NTRK3: variants seen among roughly 807,000 people sequenced by gnomAD.
NTRK3 encodes the protein NT-3 growth factor receptor.
Under a neutral mutation model 91.7 loss-of-function variants are expected in NTRK3, and 24 were observed. The observed-to-expected ratio is 0.26, with a 90% CI of 0.19 to 0.37. The LOEUF (loss-of-function observed/expected upper bound fraction) is 0.37, where lower values mean the gene tolerates loss of function less well. Ranked by LOEUF, NTRK3 falls within the 10% of genes least tolerant of loss-of-function variation. The pLI, the probability that NTRK3 is intolerant of heterozygous loss-of-function variation, is 1.00. For synonymous variants in NTRK3, 483 were observed against 404.0 expected (o/e 1.20, Z -2.34); for missense variants, 880 against 1,068.9 (o/e 0.82, Z 2.46).
chr15:88,075,618 G>T (rs2047474767), intron 13 of NTRK3, among the ~76,000 whole-genome samples: 1 of 152,090 alleles, frequency 6.6e-6, no homozygotes, highest in Non-Finnish European at 1.5e-5. Flanking sequence ...TGTTGTTGTT[G>T]TTGTTGCTGT....
Position 88,250,963 on chromosome 15 carries a change from T to C in NTRK3, c.248+4943A>G, listed in dbSNP as rs535384106. Among the ~76,000 whole-genome samples, 145 of 152,376 alleles carry C rather than the reference T, an allele frequency of 9.5e-4. 1 individual carries two copies. The highest frequency in any genetic ancestry group is 3.3e-3 in the African/African-American group (137 of 41,596). ...CCAGTGGAGAGCTGTGCTCCAGCAA[T>C]GGGCTGAAAGCTTTGCAAAAGAACA... On this transcript the variant is annotated intron_variant, in intron 3 of 18. Coordinates refer to ENST00000394480, the Ensembl canonical transcript of NTRK3.
intron 14 of NTRK3, among the ~76,000 whole-genome samples, chr15:88,016,686 G>T (rs1036198985): frequency 7.9e-5 from 12 of 152,108 alleles, no homozygotes; most frequent in African/African-American, 2.4e-4. Context: ...TATTAGCTGG[G>T]GACAGGCTTT....
chr15:88,099,866 A>ACACACATC (rs2049995992), intron 13 of NTRK3, among the ~76,000 whole-genome samples: 1 of 152,178 alleles, frequency 6.6e-6, no homozygotes, highest in African/African-American at 2.4e-5. Flanking sequence ...AACCGACAGC[A>ACACACATC]TGGACTAGCC....
chr15:88,003,829 T>TTC (rs558582271), intron 14 of NTRK3, among the ~76,000 whole-genome samples: 2 of 148,664 alleles, frequency 1.3e-5, no homozygotes, highest in South Asian at 4.5e-4. Context: ...TATTTGGATT[T>TTC]TTTTTTTTTT....
At chr15:88,021,363 C>T (rs911459810) in intron 14 of NTRK3, among the ~76,000 whole-genome samples, 1 of 152,188 alleles carries the variant, frequency 6.6e-6, no homozygotes, top group Non-Finnish European at 1.5e-5. Flanking sequence ...GCCCCCAAAC[C>T]CCAGAACAGC....
intron 17 of NTRK3, among the ~76,000 whole-genome samples, chr15:87,891,629 T>C (rs1384039835): frequency 6.6e-6 from 1 of 152,186 alleles, no homozygotes; most frequent in South Asian, 2.1e-4. Context: ...ACATACCATA[T>C]CTGTTCTGTT....
At chr15:88,249,871 C>T (rs1399945939) in intron 3 of NTRK3, among the ~76,000 whole-genome samples, 3 of 152,154 alleles carry the variant, frequency 2.0e-5, no homozygotes, top group Non-Finnish European at 2.9e-5. Context: ...GTGACTGAGT[C>T]CAGCCTCTAT....
intron 13 of NTRK3, among the ~76,000 whole-genome samples, chr15:88,099,568 T>G (rs2049967373): frequency 6.6e-6 from 1 of 152,036 alleles, no homozygotes; most frequent in African/African-American, 2.4e-5. Context: ...AGAACTTAAG[T>G]CCATAAAAGT....
At chr15:88,119,617 G>A (rs191101481) in intron 13 of NTRK3, among the ~76,000 whole-genome samples, 5 of 152,282 alleles carry the variant, frequency 3.3e-5, no homozygotes, top group Non-Finnish European at 7.3e-5. Flanking sequence ...CCAAGTACAG[G>A]ATCATGGCAA....
At chr15:88,205,169 T>C (rs1291402438) in intron 3 of NTRK3, among the ~76,000 whole-genome samples, 2 of 152,178 alleles carry the variant, frequency 1.3e-5, no homozygotes, top group Non-Finnish European at 2.9e-5. Context: ...GTTCTGTATA[T>C]GGTGGGAAGA....
At chr15:87,969,590 C>T (rs2073094185) in intron 14 of NTRK3, among the ~76,000 whole-genome samples, 1 of 152,144 alleles carries the variant, frequency 6.6e-6, no homozygotes, top group South Asian at 2.1e-4. Flanking sequence ...ATCTTCTGTG[C>T]TATAAATAAT....
intron 13 of NTRK3, among the ~76,000 whole-genome samples, chr15:88,106,541 C>T (rs1024020445): frequency 4.6e-5 from 7 of 152,156 alleles, no homozygotes; most frequent in Admixed American, 2.6e-4. Context: ...CTGAATGACA[C>T]GGAAGGATGC....
chr15:87,941,985 A>C (rs938348517), intron 14 of NTRK3, among the ~76,000 whole-genome samples: 1 of 152,246 alleles, frequency 6.6e-6, no homozygotes, highest in Non-Finnish European at 1.5e-5. Flanking sequence ...TCGAGAAATG[A>C]AAGCTGCAGA....
chr15:88,127,203 G>T (rs970508396), exon 12 of NTRK3: 2 of 1,613,952 alleles, frequency 1.2e-6, no homozygotes, highest in African/African-American at 2.7e-5. Context: ...ACAGTGATAG[G>T]AGGTGTGGGA....
intron 3 of NTRK3, among the ~76,000 whole-genome samples, chr15:88,213,878 G>C (rs1486066175): frequency 6.6e-6 from 1 of 151,900 alleles, no homozygotes; most frequent in Non-Finnish European, 1.5e-5. Context: ...TCAGGAGTTC[G>C]AGACCAGCCT....
intron 15 of NTRK3, among the ~76,000 whole-genome samples, chr15:87,938,940 C>T (rs2069547131): frequency 6.6e-6 from 1 of 152,126 alleles, no homozygotes; most frequent in African/African-American, 2.4e-5. Flanking sequence ...TTTTAGGATG[C>T]AGGACTCTTG....
At chr15:88,138,237 T>C (rs571796440) in intron 6 of NTRK3, among the ~76,000 whole-genome samples, 1 of 150,572 alleles carries the variant, frequency 6.6e-6, no homozygotes, top group South Asian at 2.1e-4. Flanking sequence ...CCCCCATCTC[T>C]ACTAAAAATA....
At chr15:88,254,221 A>G (rs2053754170) in intron 3 of NTRK3, among the ~76,000 whole-genome samples, 2 of 152,022 alleles carry the variant, frequency 1.3e-5, no homozygotes, top group Non-Finnish European at 2.9e-5. Flanking sequence ...ACACACATAC[A>G]CATACAGCCC....
intron 13 of NTRK3, among the ~76,000 whole-genome samples, chr15:88,069,011 C>T (rs1361335560): frequency 6.6e-6 from 1 of 152,184 alleles, no homozygotes; most frequent in Non-Finnish European, 1.5e-5. Flanking sequence ...AAGCCAAGAA[C>T]TGGCTATTAT....
Sources: gnomAD v4.1 joint callset for allele counts (sites outside exome capture counted in the v4.1 genomes callset) on GRCh38, gnomAD v4.1.1 for gene constraint, MANE v1.5 for transcripts, NCBI Gene and HGNC (gene_info 2026-07-23, HGNC 2026-07-21) for gene names.